Variants in IGSF3 observed in about 807,000 individuals in gnomAD.
IGSF3 encodes the protein immunoglobulin superfamily member 3.
Under a neutral mutation model 114.4 loss-of-function variants are expected in IGSF3, and 23 were observed. That is an observed-to-expected ratio of 0.20 (90% CI 0.14 to 0.28). IGSF3 has a LOEUF of 0.28. Ranked by LOEUF, IGSF3 falls within the 10% of genes least tolerant of loss-of-function variation. The probability of loss-of-function intolerance (pLI) is 1.00; values close to 1 mark genes in which losing one functional copy is unlikely to be tolerated. For synonymous variants in IGSF3, 571 were observed against 645.2 expected, an observed-to-expected ratio of 0.88 and a Z score of 1.74; for missense variants, 1,172 against 1,591.5, an observed-to-expected ratio of 0.74 and a Z score of 4.48.
intron 5 of IGSF3, among the ~76,000 whole-genome samples, chr1:116,606,745 A>G (rs1386501604): frequency 1.3e-5 from 2 of 152,370 alleles, no homozygotes; most frequent in Non-Finnish European, 1.5e-5. Flanking sequence ...TGACAGGAAA[A>G]TAGTAAAGAC....
At position 116,603,813 on chromosome 1, in the gene IGSF3, T is replaced by C; in HGVS notation, c.1435A>G (p.Ser479Gly). The C allele has an allele frequency of 6.2e-7, 1 of 1,613,978 alleles. No individual in the cohort carries two copies. Among genetic ancestry groups the C allele is most frequent in the Admixed American group, 1.7e-5 (1 of 60,020 alleles). ...VQPGSSYWER[S>G]SFGGVQMEQV... ...TCCATCTGGACGCCCCCAAAGCTGC[T>C]GCGCTCCCAGTAGGACGAGCCTGGC... The change falls in exon 6 of 11, where the codon AGC (serine) becomes GGC (glycine). Residue 479 changes from serine (S) to glycine (G), a missense_variant. Around this residue, in one of 3 missense-constraint regions of IGSF3, gnomAD observed 736 missense variants for 1,042.0 expected, o/e 0.71. Coordinates refer to ENST00000369486, the MANE Select transcript of IGSF3 (RefSeq NM_001007237.3). The surrounding 1 kb of genome is among the most constrained non-coding windows in gnomAD (Gnocchi z 7.1).
Position 116,667,281 on chromosome 1 carries a change from G to A in IGSF3, c.-630-325C>T, listed in dbSNP as rs1390756402. Among the ~76,000 whole-genome samples, 7 of 152,190 alleles carry A rather than the reference G, an allele frequency of 4.6e-5. No homozygotes were observed. The East Asian group carries it at 1.4e-3, about 29-fold the overall frequency. ...CAAATCGGGAAGGGGCTCCGCGGTGGGGCCGCGACTCCCGGCCCCCGCCCC... is the reference window on the plus strand; with the variant it reads ...CAAATCGGGAAGGGGCTCCGCGGTGAGGCCGCGACTCCCGGCCCCCGCCCC... On this transcript the variant is annotated intron_variant, in intron 1 of 10. Transcript: ENST00000369486.
In IGSF3 at chr1:116,600,242, G is replaced by A. The variant is rs1660523463; in HGVS notation, c.1728C>T (p.Val576=). 3.1e-6 allele frequency: 5 copies of A among 1,614,214 alleles called. No homozygotes were observed. The highest frequency in any genetic ancestry group is 4.5e-5 in the East Asian group (2 of 44,882). The change falls in exon 7 of 11, where the codon GTC becomes GTT. Residue 576 remains valine, a synonymous_variant. Coordinates refer to ENST00000369486, the MANE Select transcript of IGSF3 (RefSeq NM_001007237.3). This position sits in a 1 kb window ranked among gnomAD's most constrained non-coding sequence, Gnocchi z 5.5. ...GGAACCGCCATGTCACCGACACGGG[G>A]ACCCAGGCAGGGTAGTGGGGTTTGA... ...CIIKPHYPAW[V]PVSVTWRFQP...
rs1255078168 is a variant in IGSF3 at position 116,595,699 on chromosome 1, T to G, written c.2029+4242A>C. ...TTTGTCAATTTTAATGTACAATATT[T>G]AATAGCCAAACCAAGATATTGTCAT... On this transcript the variant is annotated intron_variant, in intron 7 of 10. Transcript: ENST00000369486. The surrounding 1 kb of genome is among the most constrained non-coding windows in gnomAD (Gnocchi z 4.2). 2.6e-5 allele frequency among the ~76,000 whole-genome samples: 4 copies of G among 152,242 alleles called. No homozygotes were observed. The highest frequency in any genetic ancestry group is 2.6e-4 in the Admixed American group (4 of 15,292).
intron 1 of IGSF3, among the ~76,000 whole-genome samples, chr1:116,667,232 A>C (rs1177883772): frequency 6.6e-6 from 1 of 151,970 alleles, no homozygotes; most frequent in Admixed American, 6.5e-5. Flanking sequence ...CGGGCGCCGC[A>C]GGTAGCCCCA....
At chr1:116,663,228 T>A (rs1453507024) in intron 2 of IGSF3, among the ~76,000 whole-genome samples, 3 of 152,198 alleles carry the variant, frequency 2.0e-5, no homozygotes, top group Non-Finnish European at 4.4e-5. Context: ...CCTGAGAATT[T>A]CCTTCCTGTT....
rs559523420 is a variant in IGSF3, at chr1:116,594,244, C to T, written c.2030-5140G>A. 9.8e-5 allele frequency among the ~76,000 whole-genome samples: 15 copies of T among 152,288 alleles called. 1 individual carries two copies. Among genetic ancestry groups the T allele is most frequent in the African/African-American group, 2.9e-4 (12 of 41,562 alleles). On this transcript the variant is annotated intron_variant, in intron 7 of 10. Transcript: ENST00000369486. The surrounding 1 kb of genome is among the most constrained non-coding windows in gnomAD (Gnocchi z 5.2). ...CTAGCATAGCTGTCCTGAGCATTTA[C>T]GCACTGAAACTCATTATTTTACTAT...
chr1:116,635,170 T>G (rs1647770051), intron 2 of IGSF3, among the ~76,000 whole-genome samples: 1 of 152,218 alleles, frequency 6.6e-6, no homozygotes, highest in Non-Finnish European at 1.5e-5. Context: ...AACAGTAGAA[T>G]CCCAAATGTC....
In IGSF3 at chr1:116,662,966, C is replaced by T. The variant is rs1649174016; in HGVS notation, c.43+3318G>A. On this transcript the variant is annotated intron_variant, in intron 2 of 10. Transcript: ENST00000369486. The surrounding 1 kb of genome is among the most constrained non-coding windows in gnomAD (Gnocchi z 4.3). ...GGAAGTAAGAGATGGCTTCCTCAGCCTTACCGTATTCAAAGAAGAGACTTC... is the reference window on the plus strand; with the variant it reads ...GGAAGTAAGAGATGGCTTCCTCAGCTTTACCGTATTCAAAGAAGAGACTTC... 6.6e-6 allele frequency among the ~76,000 whole-genome samples: 1 copy of T among 152,196 alleles called. No individual in the cohort carries two copies. The highest frequency in any genetic ancestry group is 6.5e-5 in the Admixed American group (1 of 15,288).
chr1:116,652,518 G>GT (rs1341912444), intron 2 of IGSF3, among the ~76,000 whole-genome samples: 2 of 152,202 alleles, frequency 1.3e-5, no homozygotes, highest in East Asian at 3.8e-4. Context: ...TTCACTTAGA[G>GT]TAACAGTCAC....
chr1:116,639,311 T>G (rs1448072551), intron 2 of IGSF3, among the ~76,000 whole-genome samples: 1 of 152,226 alleles, frequency 6.6e-6, no homozygotes, highest in Non-Finnish European at 1.5e-5. Flanking sequence ...AGGGTTTGTG[T>G]CTTGCTAAAG....
chr1:116,660,184 C>A (rs1649052196), intron 2 of IGSF3, among the ~76,000 whole-genome samples: 1 of 152,226 alleles, frequency 6.6e-6, no homozygotes, highest in Admixed American at 6.5e-5. Flanking sequence ...TGTAAAAGGC[C>A]TGCTGAGGCC....
chr1:116,627,889 C>T lies in IGSF3; in HGVS notation c.44-11432G>A, dbSNP rs1383328774. Among the ~76,000 whole-genome samples, 1 of 152,186 alleles carries T rather than the reference C, an allele frequency of 6.6e-6. No homozygotes were observed. The highest frequency in any genetic ancestry group is 1.5e-5 in the Non-Finnish European group (1 of 68,040). On this transcript the variant is annotated intron_variant, in intron 2 of 10. Transcript: ENST00000369486. This position sits in a 1 kb window ranked among gnomAD's most constrained non-coding sequence, Gnocchi z 4.7. ...CAGTGAATTGGGGTCTCCAAAGGAA[C>T]CTCAGAGCCGTGTCCTACTCAGAGC...
At chr1:116,606,788 C>T (rs1245132192) in intron 5 of IGSF3, among the ~76,000 whole-genome samples, 1 of 152,184 alleles carries the variant, frequency 6.6e-6, no homozygotes, top group Non-Finnish European at 1.5e-5. Context: ...TTCAGTTGTA[C>T]AGTATTCAGC....
chr1:116,655,112 A>G lies in IGSF3; in HGVS notation c.43+11172T>C, dbSNP rs1316865859. On this transcript the variant is annotated intron_variant, in intron 2 of 10. Coordinates refer to ENST00000369486, the MANE Select transcript of IGSF3 (RefSeq NM_001007237.3). This position sits in a 1 kb window ranked among gnomAD's most constrained non-coding sequence, Gnocchi z 4.3. ...TCCTTCTATTTATTAAAGATTAAAA[A>G]TACATATCAGGTGACAACTTAAAAT... 6.6e-6 allele frequency among the ~76,000 whole-genome samples: 1 copy of G among 152,252 alleles called. No individual in the cohort carries two copies. The highest frequency in any genetic ancestry group is 2.4e-5 in the African/African-American group (1 of 41,468).
At position 116,661,068 on chromosome 1, in the gene IGSF3, G is replaced by A. The variant is rs186791072; in HGVS notation, c.43+5216C>T. On this transcript the variant is annotated intron_variant, in intron 2 of 10. Coordinates refer to ENST00000369486, the MANE Select transcript of IGSF3 (RefSeq NM_001007237.3). This position sits in a 1 kb window ranked among gnomAD's most constrained non-coding sequence, Gnocchi z 4.0. Reference sequence around the variant, plus strand: ...AGCATTTTGGGAGGCCAAGGCAGGCGGATCACGAGGTCAGGAGTTTGAGAC... The same window carrying A: ...AGCATTTTGGGAGGCCAAGGCAGGCAGATCACGAGGTCAGGAGTTTGAGAC... Among the ~76,000 whole-genome samples, 12 of 152,240 alleles carry A rather than the reference G, an allele frequency of 7.9e-5. No homozygotes were observed. Among genetic ancestry groups the A allele is most frequent in the East Asian group, 1.9e-4 (1 of 5,170 alleles).
In IGSF3 at chr1:116,576,134, G is replaced by C. The variant is rs954190498; in HGVS notation, c.*1178C>G. 4 of 152,316 alleles carry C rather than the reference G, an allele frequency of 2.6e-5. No homozygotes were observed. The highest frequency in any genetic ancestry group is 4.8e-5 in the African/African-American group (2 of 41,434). 9.4% of individuals were successfully genotyped at this position (152,316 alleles called of 1,614,324 possible). A position where few individuals can be genotyped will look rare whatever the true frequency, so the allele number is the denominator to read the frequency against. On this transcript the variant is annotated 3_prime_UTR_variant, in exon 11 of 11. Transcript: ENST00000369486. This position sits in a 1 kb window ranked among gnomAD's most constrained non-coding sequence, Gnocchi z 4.6. ...GAAAAACCTAGTCTTCACACCTCCA[G>C]GGAGGTAGATATTTCTCTGCACTCT...
Position 116,636,807 on chromosome 1 carries a change from G to C in IGSF3, c.44-20350C>G, listed in dbSNP as rs1363859020. Among the ~76,000 whole-genome samples the C allele has an allele frequency of 6.6e-6, 1 of 152,042 alleles. No individual in the cohort carries two copies. Among genetic ancestry groups the C allele is most frequent in the Non-Finnish European group, 1.5e-5 (1 of 67,988 alleles). ...AGACAGCATCTCCGCGAGAAGTGTT[G>C]GGCAGTGTCCAGGAGTGTTTTTCTT... On this transcript the variant is annotated intron_variant, in intron 2 of 10. Transcript: ENST00000369486. This position sits in a 1 kb window ranked among gnomAD's most constrained non-coding sequence, Gnocchi z 4.5.
rs1661232555 is a variant in IGSF3 at position 116,616,734 on chromosome 1, CCT to C, written c.44-279_44-278del. 6.6e-6 allele frequency among the ~76,000 whole-genome samples: 1 copy of C among 152,114 alleles called. No homozygotes were observed. Among genetic ancestry groups the C allele is most frequent in the Non-Finnish European group, 1.5e-5 (1 of 68,028 alleles). On this transcript the variant is annotated intron_variant, in intron 2 of 10. Transcript: ENST00000369486. This position sits in a 1 kb window ranked among gnomAD's most constrained non-coding sequence, Gnocchi z 6.6. The stretch of plus-strand genomic sequence containing the variant: ...TGACCCTTGGGAATTTCATTTAGCC[CCT>C]CTGTTTGTCATTTATATGGCAGTTT...
Sources: gnomAD v4.1 joint callset for allele counts (sites outside exome capture counted in the v4.1 genomes callset) on GRCh38, gnomAD v4.1.1 for gene constraint, gnomAD v4.1.1 regional missense constraint, Gnocchi (gnomAD v3.1) non-coding constraint, MANE v1.5 for transcripts, NCBI Gene and HGNC (gene_info 2026-07-23, HGNC 2026-07-21) for gene names.